CMIP: variants seen among roughly 807,000 people sequenced by gnomAD.
CMIP encodes C-Maf-inducing protein.
Under a neutral mutation model 97.3 loss-of-function variants are expected in CMIP, and 13 were observed. That is an observed-to-expected ratio of 0.13 (90% CI 0.09 to 0.21). The LOEUF is 0.21. Ranked by LOEUF, CMIP falls within the 10% of genes least tolerant of loss-of-function variation. The pLI, the probability that CMIP is intolerant of heterozygous loss-of-function variation, is 1.00. For missense variants in CMIP, 847 were observed against 1,024.9 expected, an observed-to-expected ratio of 0.83 and a Z score of 2.37; for synonymous variants, 538 against 436.3, an observed-to-expected ratio of 1.23 and a Z score of -2.91.
At chr16:81,549,339 A>G (rs1458435147) in intron 1 of CMIP, among the ~76,000 whole-genome samples, 2 of 152,212 alleles carry the variant, frequency 1.3e-5, no homozygotes, top group Non-Finnish European at 2.9e-5. Context: ...CGGGCTTGCA[A>G]ATGGGGGGCC....
At chr16:81,600,834 G>A (rs756880126) in intron 1 of CMIP, among the ~76,000 whole-genome samples, 16 of 152,342 alleles carry the variant, frequency 1.1e-4, no homozygotes, top group South Asian at 1.0e-3. Flanking sequence ...GCACCACTGC[G>A]TATGACACTG....
At position 81,627,049 on chromosome 16, in the gene CMIP, A is replaced by AG. The variant is rs910488091; in HGVS notation, c.477+6125dup. Among the ~76,000 whole-genome samples, 15 of 103,402 alleles carry AG rather than the reference A, an allele frequency of 1.5e-4. No individual in the cohort carries two copies. The highest frequency in any genetic ancestry group is 5.9e-4 in the African/African-American group (15 of 25,294). The allele number at this position is 103,402 out of a possible 152,430, so 67.8% of individuals were successfully genotyped here. A position where few individuals can be genotyped will look rare whatever the true frequency, so the allele number is the denominator to read the frequency against. ...TATGAGTATGTGTGCATGGCATGTG[A>AG]GGTGACTGTTTTATGTGTGTGTTTG... is the stretch of plus-strand genomic sequence containing the variant. On this transcript the variant is annotated intron_variant, in intron 3 of 20. Coordinates refer to ENST00000537098, the MANE Select transcript of CMIP (RefSeq NM_198390.3). This position sits in a 1 kb window ranked among gnomAD's most constrained non-coding sequence, Gnocchi z 4.6.
chr16:81,590,555 A>C (rs535209913), intron 1 of CMIP, among the ~76,000 whole-genome samples: 39 of 152,176 alleles, frequency 2.6e-4, no homozygotes, highest in African/African-American at 8.9e-4. Flanking sequence ...TCTTTTAGGG[A>C]TGGGCCCAAG....
intron 1 of CMIP, among the ~76,000 whole-genome samples, chr16:81,560,774 C>A (rs546994847): frequency 6.6e-6 from 1 of 152,210 alleles, no homozygotes; most frequent in Non-Finnish European, 1.5e-5. Flanking sequence ...ATATTTACCA[C>A]TGTGCTACAG....
At chr16:81,528,564 T>A (rs2090175192) in intron 1 of CMIP, among the ~76,000 whole-genome samples, 1 of 152,194 alleles carries the variant, frequency 6.6e-6, no homozygotes, top group Non-Finnish European at 1.5e-5. Context: ...CCTGGGAAAT[T>A]AAAATAGTTC....
At chr16:81,540,390 C>A (rs2090425771) in intron 1 of CMIP, among the ~76,000 whole-genome samples, 1 of 152,140 alleles carries the variant, frequency 6.6e-6, no homozygotes, top group African/African-American at 2.4e-5. Context: ...GCAGCCTTGA[C>A]CTCCCAGGCT....
intron 1 of CMIP, among the ~76,000 whole-genome samples, chr16:81,451,932 C>T (rs919276373): frequency 3.9e-5 from 6 of 152,192 alleles, no homozygotes; most frequent in Non-Finnish European, 5.9e-5. Context: ...TCAACAGGCA[C>T]CGAGGGAGAC....
chr16:81,693,062 A>G (rs1486253803), intron 11 of CMIP, 96 bp from the exon 12 acceptor site: 3 of 853,920 alleles, frequency 3.5e-6, no homozygotes, highest in African/African-American at 1.7e-5. Flanking sequence ...TGAATCAGAC[A>G]TAAAGTCTAG....
intron 1 of CMIP, among the ~76,000 whole-genome samples, chr16:81,546,564 C>T (rs541341584): frequency 1.3e-5 from 2 of 152,264 alleles, no homozygotes; most frequent in South Asian, 2.1e-4. Flanking sequence ...TCCCAGGAAC[C>T]GAAGAAAGCA....
At chr16:81,526,023 TG>T (rs1481917110) in intron 1 of CMIP, among the ~76,000 whole-genome samples, 2 of 151,562 alleles carry the variant, frequency 1.3e-5, no homozygotes, top group Non-Finnish European at 2.9e-5. Context: ...TGTGTGTGTG[TG>T]TTCGTCCATT....
intron 1 of CMIP, among the ~76,000 whole-genome samples, chr16:81,553,944 G>GCCA (rs1425428698): frequency 6.6e-6 from 1 of 152,216 alleles, no homozygotes; most frequent in Non-Finnish European, 1.5e-5. Context: ...AGGCACTGGA[G>GCCA]CCACCATGCA....
At chr16:81,486,964 C>A (rs554926563) in intron 1 of CMIP, among the ~76,000 whole-genome samples, 1 of 152,376 alleles carries the variant, frequency 6.6e-6, no homozygotes, top group East Asian at 1.9e-4. Flanking sequence ...CAGGCGATAA[C>A]CGCACTGGGC....
chr16:81,447,113 T>A (rs1364664259), intron 1 of CMIP, among the ~76,000 whole-genome samples: 4 of 152,194 alleles, frequency 2.6e-5, no homozygotes, highest in Non-Finnish European at 4.4e-5. Context: ...CTCCGAAAAT[T>A]TGCCAGTACG....
chr16:81,663,894 G>T (rs1207935840), intron 6 of CMIP, among the ~76,000 whole-genome samples: 1 of 152,112 alleles, frequency 6.6e-6, no homozygotes, highest in Non-Finnish European at 1.5e-5. Context: ...CTTGGGCCCT[G>T]TCTCTCCACC....
intron 1 of CMIP, chr16:81,533,789 A>AG (rs2090287546): frequency 6.6e-6 from 1 of 152,058 alleles, no homozygotes; most frequent in South Asian, 2.1e-4. Flanking sequence ...TATGTGCTTT[A>AG]TTTTTACAAT....
intron 1 of CMIP, chr16:81,495,560 C>T (rs1419980711): frequency 1.9e-6 from 3 of 1,557,680 alleles, no homozygotes; most frequent in African/African-American, 2.7e-5. Flanking sequence ...TCGCCTGCTG[C>T]TGCTGGCCAC....
chr16:81,613,221 C>G (rs1444634177), intron 2 of CMIP, among the ~76,000 whole-genome samples: 1 of 152,222 alleles, frequency 6.6e-6, no homozygotes, highest in Non-Finnish European at 1.5e-5. Context: ...GGTGAGGTCT[C>G]CTGCGTGCCA....
chr16:81,575,377 G>A (rs543610698), intron 1 of CMIP, among the ~76,000 whole-genome samples: 1 of 152,264 alleles, frequency 6.6e-6, no homozygotes, highest in East Asian at 1.9e-4. Flanking sequence ...CAGTGGAGAC[G>A]ACTACAAAGC....
chr16:81,489,488 A>C (rs575764296), intron 1 of CMIP, among the ~76,000 whole-genome samples: 2 of 152,240 alleles, frequency 1.3e-5, no homozygotes, highest in South Asian at 4.1e-4. Context: ...CCAGCAGGAG[A>C]GGTCTCCTTT....
Sources: allele counts gnomAD v4.1 joint callset (sites outside exome capture counted in the v4.1 genomes callset), GRCh38; gene constraint gnomAD v4.1.1; non-coding constraint Gnocchi (gnomAD v3.1); transcripts MANE v1.5; gene names NCBI Gene and HGNC (gene_info 2026-07-23, HGNC 2026-07-21).